Variants in LDB2 observed in about 807,000 individuals in gnomAD.
LDB2 encodes the protein LIM domain-binding protein 2.
LDB2 carries 12 observed loss-of-function variants against 44.3 expected under a neutral mutation model. The observed-to-expected ratio is 0.27, with a 90% CI of 0.17 to 0.44. The LOEUF (loss-of-function observed/expected upper bound fraction) is 0.44, where lower values mean the gene tolerates loss of function less well. Ranked by LOEUF, LDB2 falls within the 20% of genes least tolerant of loss-of-function variation. LDB2 has a pLI of 1.00. For missense variants in LDB2, 344 were observed against 473.5 expected, an observed-to-expected ratio of 0.73 and a Z score of 2.54; for synonymous variants, 164 against 174.8, an observed-to-expected ratio of 0.94 and a Z score of 0.49.
intron 4 of LDB2, among the ~76,000 whole-genome samples, chr4:16,588,314 A>G (rs951451122): frequency 5.3e-5 from 8 of 152,184 alleles, no homozygotes; most frequent in African/African-American, 1.9e-4. Flanking sequence ...GATGGTTCTA[A>G]TCAAAACTGG....
chr4:16,859,077 A>C (rs1711581652), intron 1 of LDB2, among the ~76,000 whole-genome samples: 1 of 152,194 alleles, frequency 6.6e-6, no homozygotes, highest in African/African-American at 2.4e-5. Context: ...TCATTTTGTT[A>C]AAGCACTACC....
rs1164105688 is a variant in LDB2, at chr4:16,582,771, C to T, written c.615+3151G>A. On this transcript the variant is annotated intron_variant, in intron 5 of 7. Coordinates refer to ENST00000304523, the MANE Select transcript of LDB2 (RefSeq NM_001290.5). This position sits in a 1 kb window ranked among gnomAD's most constrained non-coding sequence, Gnocchi z 4.8. ...GAAGTGAGACCGCACTGTGACAGGG[C>T]GCCATCTCTGCAGGCTCAGCGGCTT... Among the ~76,000 whole-genome samples, 1 of 152,162 alleles carries T rather than the reference C, an allele frequency of 6.6e-6. No homozygotes were observed. Among genetic ancestry groups the T allele is most frequent in the African/African-American group, 2.4e-5 (1 of 41,448 alleles).
At chr4:16,879,805 G>T (rs577068802) in intron 1 of LDB2, among the ~76,000 whole-genome samples, 1 of 152,216 alleles carries the variant, frequency 6.6e-6, no homozygotes, top group Non-Finnish European at 1.5e-5. Context: ...AACACAGAGG[G>T]AGTAGAGAAG....
intron 2 of LDB2, among the ~76,000 whole-genome samples, chr4:16,755,140 G>A (rs1265319086): frequency 6.6e-6 from 1 of 152,210 alleles, no homozygotes; most frequent in Admixed American, 6.5e-5. Flanking sequence ...CTCAAATGGT[G>A]GTTGTGACTG....
At chr4:16,856,141 C>T (rs1789310109) in intron 1 of LDB2, among the ~76,000 whole-genome samples, 2 of 152,024 alleles carry the variant, frequency 1.3e-5, no homozygotes, top group Admixed American at 1.3e-4. Flanking sequence ...TATGAAAATC[C>T]ATCCACCCTT....
At chr4:16,880,918 AAAAAGCACACACAC>A (rs1719896893) in intron 1 of LDB2, among the ~76,000 whole-genome samples, 1 of 151,600 alleles carries the variant, frequency 6.6e-6, no homozygotes, top group South Asian at 2.1e-4. Context: ...AAAAAAAAAA[AAAAAGCACACACAC>A]AAAGAGGAGC....
At chr4:16,608,435 C>G (rs532310599) in intron 2 of LDB2, among the ~76,000 whole-genome samples, 1 of 152,122 alleles carries the variant, frequency 6.6e-6, no homozygotes, top group South Asian at 2.1e-4. Flanking sequence ...GGCAGCAGGA[C>G]GGAACAGCCC....
In LDB2 at chr4:16,795,528, T is replaced by A. The variant is rs565144859; in HGVS notation, c.133-36268A>T. The stretch of plus-strand genomic sequence containing the variant: ...TTGAAGGGTTTCCAAAGGAGAGAGA[T>A]ACTTCCTTAACAGCATTTGAGGTGG... On this transcript the variant is annotated intron_variant, in intron 1 of 7. Transcript: ENST00000304523. Among the ~76,000 whole-genome samples, 12 of 152,214 alleles carry A rather than the reference T, an allele frequency of 7.9e-5. No individual in the cohort carries two copies. In the South Asian group the frequency reaches 2.5e-3, roughly 32 times the overall value.
chr4:16,824,221 A>ATG (rs143623757), intron 1 of LDB2, among the ~76,000 whole-genome samples: 201 of 151,512 alleles, frequency 1.3e-3, no homozygotes, highest in Admixed American at 5.5e-3. Context: ...GTGTGTGTGT[A>ATG]TGTGTGTGTG....
intron 5 of LDB2, among the ~76,000 whole-genome samples, chr4:16,528,380 G>T (rs188570899): frequency 2.6e-5 from 4 of 152,282 alleles, no homozygotes; most frequent in Middle Eastern, 3.4e-3. Flanking sequence ...TTTAAATAAG[G>T]TAATTGAGGT....
At chr4:16,816,158 T>A (rs1780848930) in intron 1 of LDB2, among the ~76,000 whole-genome samples, 1 of 151,956 alleles carries the variant, frequency 6.6e-6, no homozygotes, top group South Asian at 2.1e-4. Flanking sequence ...CAGTGAGCGA[T>A]CACGCCATGG....
At chr4:16,889,644 A>G (rs1427800209) in intron 1 of LDB2, among the ~76,000 whole-genome samples, 1 of 152,108 alleles carries the variant, frequency 6.6e-6, no homozygotes, top group Non-Finnish European at 1.5e-5. Context: ...GAACAACTTA[A>G]TTTTCTTTAT....
chr4:16,568,602 C>G (rs1745365522), intron 5 of LDB2, among the ~76,000 whole-genome samples: 1 of 152,156 alleles, frequency 6.6e-6, no homozygotes, highest in South Asian at 2.1e-4. Flanking sequence ...GCAATGTACT[C>G]ATCCCTCAGC....
chr4:16,664,837 A>C (rs1023848925), intron 2 of LDB2, among the ~76,000 whole-genome samples: 3 of 152,242 alleles, frequency 2.0e-5, no homozygotes, highest in Non-Finnish European at 4.4e-5. Flanking sequence ...GCCAAGGCTT[A>C]GGAACCAGAT....
chr4:16,739,644 ACATATGTG>A (rs1762678335), intron 2 of LDB2, among the ~76,000 whole-genome samples: 1 of 78,554 alleles, frequency 1.3e-5, no homozygotes, highest in South Asian at 3.7e-4. Flanking sequence ...ATGTATATAT[ACATATGTG>A]TGTATATATG....
intron 1 of LDB2, among the ~76,000 whole-genome samples, chr4:16,773,522 A>T (rs1425452210): frequency 1.3e-5 from 2 of 152,110 alleles, no homozygotes; most frequent in East Asian, 3.9e-4. Context: ...TGCACAGTTC[A>T]CAATAGGGTT....
At chr4:16,532,530 C>T (rs10516301) in intron 5 of LDB2, among the ~76,000 whole-genome samples, 15,046 of 152,200 alleles carry the variant, frequency 0.099, 782 homozygotes, top group South Asian at 0.15. Flanking sequence ...CCTATTCTTT[C>T]GTGCCAGCTA....
chr4:16,505,760 C>T (rs1719168909), intron 7 of LDB2: 1 of 1,424,092 alleles, frequency 7.0e-7, no homozygotes, highest in Admixed American at 2.5e-5. Context: ...ACTTCTGCTC[C>T]TTGCTGGAAG....
chr4:16,572,666 A>T (rs908994294), intron 5 of LDB2, among the ~76,000 whole-genome samples: 4 of 152,088 alleles, frequency 2.6e-5, no homozygotes, highest in Non-Finnish European at 5.9e-5. Context: ...ATTTCTAGAC[A>T]CTGACCTGTC....
Sources: allele counts gnomAD v4.1 joint callset (sites outside exome capture counted in the v4.1 genomes callset), GRCh38; gene constraint gnomAD v4.1.1; non-coding constraint Gnocchi (gnomAD v3.1); transcripts MANE v1.5; gene names NCBI Gene and HGNC (gene_info 2026-07-23, HGNC 2026-07-21).